Variants in SPINDOC observed in about 807,000 individuals in gnomAD.
SPINDOC encodes the protein spindlin interactor and repressor of chromatin binding.
In SPINDOC, 13 loss-of-function variants were observed where a neutral mutation model predicts 30.7. The observed-to-expected ratio is 0.42, with a 90% CI of 0.28 to 0.67. SPINDOC has a LOEUF of 0.67. Among genes scored for constraint, SPINDOC ranks in the 30% least tolerant of loss-of-function variants. The probability of loss-of-function intolerance (pLI) is 0.22; values close to 1 mark genes in which losing one functional copy is unlikely to be tolerated. For synonymous variants in SPINDOC, 228 were observed against 211.4 expected, an observed-to-expected ratio of 1.08 and a Z score of -0.68; for missense variants, 438 against 518.0, an observed-to-expected ratio of 0.85 and a Z score of 1.50.
chr11:63,822,449 T>C (rs1422412648), intron 5 of SPINDOC: 2 of 464,130 alleles, frequency 4.3e-6, no homozygotes, highest in African/African-American at 2.0e-5. Context: ...TCACAAAGTT[T>C]TTCTTTGTGT....
intron 5 of SPINDOC, among the ~76,000 whole-genome samples, chr11:63,820,094 A>G (rs1012612547): frequency 6.6e-6 from 1 of 151,902 alleles, no homozygotes; most frequent in Non-Finnish European, 1.5e-5. Flanking sequence ...GCTCCTACTG[A>G]GTTTAAGAAG....
intron 5 of SPINDOC, among the ~76,000 whole-genome samples, chr11:63,820,463 A>G (rs2015482969): frequency 6.6e-6 from 1 of 151,952 alleles, no homozygotes; most frequent in South Asian, 2.1e-4. Context: ...TAACTTGTAT[A>G]GAAGGGCAGA....
At position 63,818,173 on chromosome 11, in the gene SPINDOC, T is replaced by C; in HGVS notation, c.457+39T>C. ...GGGCTGGCGAAGGGAGAAGTCGGAC[T>C]TGTTGGGGCACTAGAAGCTCATTGT... On this transcript the variant is annotated intron_variant, in intron 2 of 5. Coordinates refer to ENST00000294244, the MANE Select transcript of SPINDOC (RefSeq NM_138471.3). This position sits in a 1 kb window ranked among gnomAD's most constrained non-coding sequence, Gnocchi z 5.3. 6.2e-7 allele frequency: 1 copy of C among 1,613,250 alleles called. No homozygotes were observed. Among genetic ancestry groups the C allele is most frequent in the Non-Finnish European group, 8.5e-7 (1 of 1,179,322 alleles).
At position 63,825,569 on chromosome 11, in the gene SPINDOC, T is replaced by G. The variant is rs1445533835; in HGVS notation, c.935-1359T>G. Reference sequence around the variant, plus strand: ...AGTCCCAGAAGGCCACTTAGGGAGCTCCATTCACCGCTGTACCCCTAGCAA... The same window carrying G: ...AGTCCCAGAAGGCCACTTAGGGAGCGCCATTCACCGCTGTACCCCTAGCAA... On this transcript the variant is annotated intron_variant, in intron 5 of 5. Transcript: ENST00000294244. 2.0e-5 allele frequency among the ~76,000 whole-genome samples: 3 copies of G among 152,216 alleles called. No homozygotes were observed. In the East Asian group the frequency reaches 5.8e-4, roughly 29 times the overall value.
In SPINDOC at chr11:63,813,752, G is replaced by C; in HGVS notation, c.66G>C (p.Gly22=). The C allele has an allele frequency of 6.3e-7, 1 of 1,593,798 alleles. No homozygotes were observed. The highest frequency in any genetic ancestry group is 1.1e-5 in the South Asian group (1 of 89,268). ...CFEVTLKCEE[G]EDEEEAMVVA... ...AGGTGACGCTGAAATGCGAGGAAGG[G>C]GAGGACGAGGAGGAGGCCATGGTGG... The change falls in exon 1 of 6, where the codon GGG becomes GGC. Residue 22 remains glycine, a synonymous_variant. Transcript: ENST00000294244.
At position 63,818,760 on chromosome 11, in the gene SPINDOC, G is replaced by A; in HGVS notation, c.734-42G>A. On this transcript the variant is annotated intron_variant, in intron 4 of 5. Transcript: ENST00000294244. The surrounding 1 kb of genome is among the most constrained non-coding windows in gnomAD (Gnocchi z 5.3). Reference sequence around the variant, plus strand: ...TGGGCGCAGGGCGCCTGCAGCTCCTGAGGCTTTTTCACTCACAGTTCCATC... The same window carrying A: ...TGGGCGCAGGGCGCCTGCAGCTCCTAAGGCTTTTTCACTCACAGTTCCATC... The A allele has an allele frequency of 1.2e-6, 2 of 1,612,680 alleles. No homozygotes were observed. The highest frequency in any genetic ancestry group is 1.7e-5 in the Admixed American group (1 of 60,016).
At chr11:63,825,116 C>T (rs535951882) in intron 5 of SPINDOC, among the ~76,000 whole-genome samples, 3 of 152,178 alleles carry the variant, frequency 2.0e-5, no homozygotes, top group African/African-American at 7.2e-5. Context: ...GCCAGAGTGT[C>T]CCTGCTGAGA....
chr11:63,815,475 A>G (rs948178071), intron 1 of SPINDOC, among the ~76,000 whole-genome samples: 3 of 152,250 alleles, frequency 2.0e-5, no homozygotes, highest in Admixed American at 6.5e-5. Flanking sequence ...TGAGATGCCT[A>G]TTTATGACAT....
In SPINDOC at chr11:63,817,845, G is replaced by A. The variant is rs759679209; in HGVS notation, c.168G>A (p.Pro56=). 58 of 1,606,666 alleles carry A rather than the reference G, an allele frequency of 3.6e-5. No homozygotes were observed. The highest frequency in any genetic ancestry group is 9.0e-5 in the East Asian group (4 of 44,606). The change falls in exon 2 of 6, where the codon CCG becomes CCA. Residue 56 remains proline, a synonymous_variant. Coordinates refer to ENST00000294244, the MANE Select transcript of SPINDOC (RefSeq NM_138471.3). The part of the protein sequence containing the change: ...QEKTPPPRPS[P]LEAGSDGCEE... Reference sequence around the variant, plus strand: ...AGACCCCACCGCCTAGACCCAGCCCGCTAGAGGCAGGCAGTGATGGCTGTG... The same window carrying A: ...AGACCCCACCGCCTAGACCCAGCCCACTAGAGGCAGGCAGTGATGGCTGTG...
At chr11:63,826,890 G>A in intron 5 of SPINDOC, 38 bp from the exon 6 acceptor site, 1 of 1,040,440 alleles carries the variant, frequency 9.6e-7, no homozygotes, top group Non-Finnish European at 1.5e-6. Flanking sequence ...GGGGTGTCTG[G>A]GGGGCTCTGA....
At position 63,818,861 on chromosome 11, in the gene SPINDOC, T is replaced by C; in HGVS notation, c.793T>C (p.Phe265Leu). Residue 265 changes from phenylalanine to leucine, a missense_variant, in exon 5 of 6, where the codon TTC becomes CTC. Coordinates refer to ENST00000294244, the MANE Select transcript of SPINDOC (RefSeq NM_138471.3). This position sits in a 1 kb window ranked among gnomAD's most constrained non-coding sequence, Gnocchi z 5.3. ...TFAAPAEVRH[F>L]TDGSFPAGFV... ...CGCAGCACCAGCCGAGGTCCGACACTTCACTGACGGCAGCTTCCCCGCCGG... is the reference window on the plus strand; with the variant it reads ...CGCAGCACCAGCCGAGGTCCGACACCTCACTGACGGCAGCTTCCCCGCCGG... 6.2e-7 allele frequency: 1 copy of C among 1,614,086 alleles called. No individual in the cohort carries two copies. Among genetic ancestry groups the C allele is most frequent in the Non-Finnish European group, 8.5e-7 (1 of 1,180,032 alleles).
At position 63,827,185 on chromosome 11, in the gene SPINDOC, C is replaced by G. The variant is rs1478353148; in HGVS notation, c.*46C>G. On this transcript the variant is annotated 3_prime_UTR_variant, in exon 6 of 6. Coordinates refer to ENST00000294244, the MANE Select transcript of SPINDOC (RefSeq NM_138471.3). ...GGAGGGAGGGATGAGGCAGCGTCCC[C>G]CAGTGGCTTATAACTCAGAGCTGCC... 3 of 1,598,122 alleles carry G rather than the reference C, an allele frequency of 1.9e-6. No individual in the cohort carries two copies. The highest frequency in any genetic ancestry group is 1.7e-6 in the Non-Finnish European group (2 of 1,172,812).
rs36077346 is a variant in SPINDOC at position 63,814,042 on chromosome 11, G to A, written c.127+229G>A. Reference sequence around the variant, plus strand: ...CCTCCCTTCCCCTTTCCCCCGCCCAGGGTCTGGAGACTTCGATCCACGCCC... The same window carrying A: ...CCTCCCTTCCCCTTTCCCCCGCCCAAGGTCTGGAGACTTCGATCCACGCCC... On this transcript the variant is annotated intron_variant, in intron 1 of 5. Coordinates refer to ENST00000294244, the MANE Select transcript of SPINDOC (RefSeq NM_138471.3). 0.052 allele frequency among the ~76,000 whole-genome samples: 7,966 copies of A among 152,244 alleles called. 306 individuals carry two copies. Among genetic ancestry groups the A allele is most frequent in the Non-Finnish European group, 0.083 (5,642 of 67,994 alleles).
In SPINDOC at chr11:63,826,915, C is replaced by T; in HGVS notation, c.935-13C>T. On this transcript the variant is annotated splice_polypyrimidine_tract_variant and intron_variant, in intron 5 of 5. Transcript: ENST00000294244. ...GGGGGCTCTGACTGCTCTCTGCTCT[C>T]ATCCCTGCCCAGCTCCCCCTCCGGG... 2.2e-6 allele frequency: 3 copies of T among 1,360,650 alleles called. No homozygotes were observed. Among genetic ancestry groups the T allele is most frequent in the Non-Finnish European group, 3.1e-6 (3 of 953,564 alleles). 84.3% of individuals were successfully genotyped at this position (1,360,650 alleles called of 1,614,324 possible). A position where few individuals can be genotyped will look rare whatever the true frequency, so the allele number is the denominator to read the frequency against.
Position 63,813,803 on chromosome 11 carries a change from G to T in SPINDOC, c.117G>T (p.Pro39=), listed in dbSNP as rs752491013. ...TGGCCGTAATTCCGCGGCCCGAGCC[G>T]ATGCTCAGAGGTGAGGATGGAGGGG... ...MVVAVIPRPE[P]MLRVTQQEKT... is the part of the protein sequence containing the mutation. The change falls in exon 1 of 6, where the codon CCG becomes CCT. Residue 39 remains proline, a synonymous_variant. Transcript: ENST00000294244. The T allele has an allele frequency of 1.9e-6, 3 of 1,576,170 alleles. No homozygotes were observed. Among genetic ancestry groups the T allele is most frequent in the East Asian group, 2.5e-5 (1 of 40,318 alleles).
intron 5 of SPINDOC, among the ~76,000 whole-genome samples, chr11:63,824,557 A>C (rs866126826): frequency 4.6e-5 from 7 of 152,044 alleles, no homozygotes; most frequent in Non-Finnish European, 8.8e-5. Context: ...GCCGTGGGTC[A>C]GTGTCGGTAC....
At position 63,813,639 on chromosome 11, in the gene SPINDOC, A is replaced by G; in HGVS notation, c.-48A>G. On this transcript the variant is annotated 5_prime_UTR_variant, in exon 1 of 6. Transcript: ENST00000294244. ...GAGGCGGTTGCCGGCTGCGCGCCGA[A>G]GCCTGCGCGCCAGTCCTCCGGCCAC... The G allele has an allele frequency of 6.8e-7, 1 of 1,467,426 alleles. No homozygotes were observed. Among genetic ancestry groups the G allele is most frequent in the Non-Finnish European group, 9.0e-7 (1 of 1,107,496 alleles). The allele number at this position is 1,467,426 out of a possible 1,614,324, so 90.9% of individuals were successfully genotyped here.
chr11:63,825,169 G>A (rs1285073597), intron 5 of SPINDOC, among the ~76,000 whole-genome samples: 1 of 152,166 alleles, frequency 6.6e-6, no homozygotes, highest in African/African-American at 2.4e-5. Context: ...TGGCCTTTCT[G>A]TGCTGCTCCT....
Position 63,827,610 on chromosome 11 carries a change from G to T in SPINDOC, c.*471G>T. The stretch of plus-strand genomic sequence containing the variant: ...CCTCTTCCTGTCCCACCCCTGCAGA[G>T]GCCTGAAGCTGGGCCTGGGCACCCC... On this transcript the variant is annotated 3_prime_UTR_variant, in exon 6 of 6. Transcript: ENST00000294244. 1 of 185,924 alleles carries T rather than the reference G, an allele frequency of 5.4e-6. No individual in the cohort carries two copies. Among genetic ancestry groups the T allele is most frequent in the Non-Finnish European group, 1.2e-5 (1 of 86,824 alleles). 11.5% of individuals were successfully genotyped at this position (185,924 alleles called of 1,614,324 possible).
Sources: gnomAD v4.1 joint callset for allele counts (sites outside exome capture counted in the v4.1 genomes callset) on GRCh38, gnomAD v4.1.1 for gene constraint, Gnocchi (gnomAD v3.1) non-coding constraint, MANE v1.5 for transcripts, NCBI Gene and HGNC (gene_info 2026-07-23, HGNC 2026-07-21) for gene names.